Variants in OR4D10 observed in about 807,000 individuals in gnomAD.
The protein encoded by OR4D10 is olfactory receptor 4D10.
For synonymous variants in OR4D10, 188 were observed against 153.2 expected (o/e 1.23, Z -1.68); for missense variants, 395 against 378.0 (o/e 1.04, Z -0.37).
chr11:59,476,316 G>A (rs1448514529), intron 2 of OR4D10, among the ~76,000 whole-genome samples: 3 of 152,184 alleles, frequency 2.0e-5, no homozygotes, highest in African/African-American at 7.2e-5. Flanking sequence ...CAGGAGGTTA[G>A]ACCTTTCAAC....
intron 2 of OR4D10, among the ~76,000 whole-genome samples, chr11:59,475,642 C>T (rs1426122332): frequency 6.6e-6 from 1 of 152,136 alleles, no homozygotes; most frequent in African/African-American, 2.4e-5. Context: ...GAATCCCAGC[C>T]ACACTATAGG....
rs1464173215 is a variant in OR4D10 at position 59,478,666 on chromosome 11, G to A, written c.*301G>A. 4.3e-6 allele frequency: 1 copy of A among 230,122 alleles called. No homozygotes were observed. Among genetic ancestry groups the A allele is most frequent in the East Asian group, 8.9e-5 (1 of 11,200 alleles). 14.3% of individuals were successfully genotyped at this position (230,122 alleles called of 1,614,324 possible). A position where few individuals can be genotyped will look rare whatever the true frequency, so the allele number is the denominator to read the frequency against. On this transcript the variant is annotated 3_prime_UTR_variant, in exon 3 of 3. Transcript: ENST00000530162. The stretch of plus-strand genomic sequence containing the variant: ...GCTGAATTGAATATATTTATTTAGT[G>A]ATTGCTAAGTATTTGTTTTATTTTC...
chr11:59,475,238 T>G (rs960627347), intron 2 of OR4D10, among the ~76,000 whole-genome samples: 3 of 152,024 alleles, frequency 2.0e-5, no homozygotes, highest in Admixed American at 6.6e-5. Context: ...TAATAAATCT[T>G]TTATTAATGA....
rs1241482460 is a variant in OR4D10 at position 59,477,753 on chromosome 11, A to T, written c.324A>T (p.Gly108=). 1.2e-6 allele frequency: 2 copies of T among 1,613,620 alleles called. No homozygotes were observed. Among genetic ancestry groups the T allele is most frequent in the Non-Finnish European group, 1.7e-6 (2 of 1,179,864 alleles). ...FTQMFLFHLI[G]GVDVFSLSVM... is the part of the protein sequence containing the mutation. ...AGATGTTTCTATTCCACCTTATTGG[A>T]GGGGTGGATGTATTTTCTCTTTCGG... The change falls in exon 3 of 3, where the codon GGA becomes GGT. Residue 108 remains glycine (G), a synonymous_variant. Coordinates refer to ENST00000530162, the MANE Select transcript of OR4D10 (RefSeq NM_001004705.2).
At chr11:59,475,915 C>T (rs1417985331) in intron 2 of OR4D10, among the ~76,000 whole-genome samples, 1 of 152,168 alleles carries the variant, frequency 6.6e-6, no homozygotes, top group Non-Finnish European at 1.5e-5. Context: ...TGTTTTTCTG[C>T]CACCTTTACC....
intron 2 of OR4D10, among the ~76,000 whole-genome samples, chr11:59,476,051 TTAC>T (rs1858903078): frequency 6.6e-6 from 1 of 152,226 alleles, no homozygotes; most frequent in Non-Finnish European, 1.5e-5. Context: ...GTTCCAGCAC[TTAC>T]TACTGCTGTG....
In OR4D10 at chr11:59,477,525, C is replaced by G; in HGVS notation, c.96C>G (p.Leu32=). The G allele has an allele frequency of 6.2e-7, 1 of 1,614,132 alleles. No individual in the cohort carries two copies. The highest frequency in any genetic ancestry group is 8.5e-7 in the Non-Finnish European group (1 of 1,179,974). Reference sequence around the variant, plus strand: ...GCTTAGTCTTATTTCTTTTCCTACTCTTGGTGTATGTGACAACTTTGCTGG... The same window carrying G: ...GCTTAGTCTTATTTCTTTTCCTACTGTTGGTGTATGTGACAACTTTGCTGG... ...EVSLVLFLFL[L]LVYVTTLLGN... Residue 32 remains leucine, a synonymous_variant, in exon 3 of 3, where the codon CTC becomes CTG. Coordinates refer to ENST00000530162, the MANE Select transcript of OR4D10 (RefSeq NM_001004705.2).
In OR4D10 at chr11:59,473,549, G is replaced by A. The variant is rs1444038845; in HGVS notation, c.-316G>A. 1 of 152,162 alleles carries A rather than the reference G, an allele frequency of 6.6e-6. No homozygotes were observed. Among genetic ancestry groups the A allele is most frequent in the Non-Finnish European group, 1.5e-5 (1 of 68,022 alleles). The allele number at this position is 152,162 out of a possible 1,614,324, so 9.4% of individuals were successfully genotyped here. ...AGCAAAGGGCTTAACTTTTAAACAA[G>A]ATTTTCAAGAATTAATGCCAGTAGT... On this transcript the variant is annotated 5_prime_UTR_variant, in exon 1 of 3. Coordinates refer to ENST00000530162, the MANE Select transcript of OR4D10 (RefSeq NM_001004705.2).
At chr11:59,476,468 C>A (rs140283909) in intron 2 of OR4D10, among the ~76,000 whole-genome samples, 50 of 152,306 alleles carry the variant, frequency 3.3e-4, no homozygotes, top group African/African-American at 1.2e-3. Context: ...GCAGCCTGGA[C>A]TTCCGGGGCT....
In OR4D10 at chr11:59,478,088, T is replaced by C. The variant is rs770624473; in HGVS notation, c.659T>C (p.Val220Ala). 6.2e-7 allele frequency: 1 copy of C among 1,614,134 alleles called. No homozygotes were observed. The highest frequency in any genetic ancestry group is 1.7e-5 in the Admixed American group (1 of 60,016). Residue 220 changes from valine to alanine, a missense_variant, in exon 3 of 3, where the codon GTC becomes GCC. Val to Ala is a moderately conservative substitution (Grantham distance 64). Transcript: ENST00000530162. ...WFFLLLVSYI[V>A]ILSLPKSQAG... ...TTCCTGCTCCTGGTGTCCTACATAGTCATATTATCATTACCCAAGTCTCAG... is the reference window on the plus strand; with the variant it reads ...TTCCTGCTCCTGGTGTCCTACATAGCCATATTATCATTACCCAAGTCTCAG...
At chr11:59,475,688 A>G (rs560236860) in intron 2 of OR4D10, among the ~76,000 whole-genome samples, 14 of 152,328 alleles carry the variant, frequency 9.2e-5, no homozygotes, top group African/African-American at 2.9e-4. Flanking sequence ...TGAAGGATTC[A>G]TTGGCTAAAC....
At chr11:59,476,538 G>T (rs1291038767) in intron 2 of OR4D10, among the ~76,000 whole-genome samples, 1 of 144,896 alleles carries the variant, frequency 6.9e-6, no homozygotes, top group Non-Finnish European at 1.5e-5. Context: ...ATGCCACCAC[G>T]CATGGCTAAT....
intron 2 of OR4D10, among the ~76,000 whole-genome samples, chr11:59,474,686 A>G (rs2134557566): frequency 6.6e-6 from 1 of 152,144 alleles, no homozygotes; most frequent in East Asian, 1.9e-4. Context: ...AGCAAGATCC[A>G]TAACCTTTCA....
Position 59,478,397 on chromosome 11 carries a change from G to T in OR4D10, c.*32G>T. On this transcript the variant is annotated 3_prime_UTR_variant, in exon 3 of 3. Transcript: ENST00000530162. ...AAATCCTCAGCTCTTCATCACCAAA[G>T]ATATCTTATATTTATTATTTTTCCC... is the stretch of plus-strand genomic sequence containing the variant. The T allele has an allele frequency of 1.4e-6, 2 of 1,390,390 alleles. No individual in the cohort carries two copies. Among genetic ancestry groups the T allele is most frequent in the East Asian group, 2.4e-5 (1 of 42,516 alleles). The allele number at this position is 1,390,390 out of a possible 1,614,324, so 86.1% of individuals were successfully genotyped here.
In OR4D10 at chr11:59,474,762, A is replaced by C. The variant is rs150780189; in HGVS notation, c.-169+969A>C. Among the ~76,000 whole-genome samples the C allele has an allele frequency of 8.1e-3, 1,235 of 152,234 alleles. 19 individuals are homozygous for C. Among genetic ancestry groups the C allele is most frequent in the African/African-American group, 0.028 (1,143 of 41,540 alleles). On this transcript the variant is annotated intron_variant, in intron 2 of 2. Coordinates refer to ENST00000530162, the MANE Select transcript of OR4D10 (RefSeq NM_001004705.2). ...AGTTCATGGATCAGAGTTGAGAGTA[A>C]AGAAGTCCAAGGGACCGGGCGCAGA...
intron 2 of OR4D10, among the ~76,000 whole-genome samples, chr11:59,474,624 A>G (rs1003682440): frequency 2.6e-5 from 4 of 152,176 alleles, no homozygotes; most frequent in Non-Finnish European, 5.9e-5. Flanking sequence ...ATGATACAGT[A>G]TCCGCTGCCT....
At chr11:59,476,845 G>A (rs73482815) in intron 2 of OR4D10, among the ~76,000 whole-genome samples, 11,924 of 149,510 alleles carry the variant, frequency 0.08, 640 homozygotes, top group African/African-American at 0.14. Context: ...TCCTTTGGGG[G>A]AAAAAAAAAT....
intron 2 of OR4D10, among the ~76,000 whole-genome samples, chr11:59,476,308 G>A (rs1858907054): frequency 6.6e-6 from 1 of 152,150 alleles, no homozygotes; most frequent in Non-Finnish European, 1.5e-5. Context: ...AAACAGGACA[G>A]GAGGTTAGAC....
chr11:59,478,164 T>C lies in OR4D10; in HGVS notation c.735T>C (p.Thr245=), dbSNP rs756847523. The change falls in exon 3 of 3, where the codon ACT becomes ACC. Residue 245 remains threonine (T), a synonymous_variant. Transcript: ENST00000530162. ...TCTCCACCTGCACCTCCCACATCACTGTGGTGACCCTGCATTTCGTGCCCT... is the reference window on the plus strand; with the variant it reads ...TCTCCACCTGCACCTCCCACATCACCGTGGTGACCCTGCATTTCGTGCCCT... ...KAISTCTSHI[T]VVTLHFVPCI... is the part of the protein sequence containing the mutation. 3.1e-6 allele frequency: 5 copies of C among 1,614,018 alleles called. No individual in the cohort carries two copies. Among genetic ancestry groups the C allele is most frequent in the African/African-American group, 1.3e-5 (1 of 74,912 alleles).
Sources: allele counts gnomAD v4.1 joint callset (sites outside exome capture counted in the v4.1 genomes callset), GRCh38; gene constraint gnomAD v4.1.1; transcripts MANE v1.5; gene names NCBI Gene and HGNC (gene_info 2026-07-23, HGNC 2026-07-21).